The following KARS1 variants were observed in gnomAD, a reference collection of about 807,000 sequenced individuals.
KARS1 encodes the protein lysine--tRNA ligase.
A neutral mutation model predicts 63.9 loss-of-function variants in KARS1; 50 were observed. The observed-to-expected ratio is 0.78, with a 90% CI of 0.62 to 0.99. The LOEUF is 0.99. Among genes scored for constraint, KARS1 ranks in the 50% least tolerant of loss-of-function variants. The pLI, the probability that KARS1 is intolerant of heterozygous loss-of-function variation, is 0.00. For synonymous variants in KARS1, 320 were observed against 264.6 expected, an observed-to-expected ratio of 1.21 and a Z score of -2.03; for missense variants, 816 against 754.5, an observed-to-expected ratio of 1.08 and a Z score of -0.95.
chr16:75,630,575 C>G (rs1464710959), intron 10 of KARS1, 67 bp from the exon 11 acceptor site: 4 of 908,292 alleles, frequency 4.4e-6, no homozygotes, highest in Middle Eastern at 2.2e-4. Flanking sequence ...CCAGCCCAGA[C>G]AGAAGATCTC....
At chr16:75,645,599 C>A (rs1158801982) in intron 1 of KARS1, among the ~76,000 whole-genome samples, 1 of 152,106 alleles carries the variant, frequency 6.6e-6, no homozygotes, top group East Asian at 1.9e-4. Context: ...ATAATCCTAG[C>A]GCTTTGTGGG....
Position 75,635,903 on chromosome 16 carries a change from A to T in KARS1, c.669+9T>A. 6.2e-7 allele frequency: 1 copy of T among 1,614,150 alleles called. No homozygotes were observed. Among genetic ancestry groups the T allele is most frequent in the Non-Finnish European group, 8.5e-7 (1 of 1,179,986 alleles). On this transcript the variant is annotated intron_variant, in intron 5 of 13. Coordinates refer to ENST00000302445, the MANE Select transcript of KARS1 (RefSeq NM_005548.3). ...AGGAGGCCACAGCTAGGAGGCCAAG[A>T]ACGCTTACCTTGTCTTTGAGGCCAA...
chr16:75,637,210 A>G (rs948583953), intron 3 of KARS1, among the ~76,000 whole-genome samples: 3 of 152,104 alleles, frequency 2.0e-5, no homozygotes, highest in Non-Finnish European at 4.4e-5. Flanking sequence ...TCCATGGACA[A>G]AATTTACAAC....
At chr16:75,646,038 A>G (rs1308626820) in intron 1 of KARS1, among the ~76,000 whole-genome samples, 1 of 152,182 alleles carries the variant, frequency 6.6e-6, no homozygotes, top group Non-Finnish European at 1.5e-5. Flanking sequence ...TCACAGATAT[A>G]CCACATTCAA....
intron 7 of KARS1, 33 bp from the exon 8 acceptor site, chr16:75,631,888 C>A (rs2082119196): frequency 6.2e-7 from 1 of 1,611,902 alleles, no homozygotes; most frequent in Non-Finnish European, 8.5e-7. Context: ...GTCATGACAG[C>A]TAATCTTTTT....
Position 75,629,204 on chromosome 16 carries a change from A to G in KARS1, c.1551+211T>C, listed in dbSNP as rs75584151. Reference sequence around the variant, plus strand: ...TTTCAAGGCAAGCGTCACGCTTTCCATACGGAGATTAATAATGAAGTTCCT... The same window carrying G: ...TTTCAAGGCAAGCGTCACGCTTTCCGTACGGAGATTAATAATGAAGTTCCT... On this transcript the variant is annotated intron_variant, in intron 12 of 13. Transcript: ENST00000302445. Among the ~76,000 whole-genome samples, 1,980 of 152,332 alleles carry G rather than the reference A, an allele frequency of 0.013. 53 individuals carry two copies. The highest frequency in any genetic ancestry group is 0.044 in the African/African-American group (1,838 of 41,560).
chr16:75,637,962 TC>T (rs2082181529), intron 3 of KARS1, among the ~76,000 whole-genome samples: 1 of 143,566 alleles, frequency 7.0e-6, no homozygotes, highest in Admixed American at 6.9e-5. Context: ...CCAGGAAATC[TC>T]AAAAAACAAG....
At position 75,628,694 on chromosome 16, in the gene KARS1, C is replaced by A; in HGVS notation, c.1570G>T (p.Asp524Tyr). 1 of 1,614,222 alleles carries A rather than the reference C, an allele frequency of 6.2e-7. No individual in the cohort carries two copies. Among genetic ancestry groups the A allele is most frequent in the South Asian group, 1.1e-5 (1 of 91,080 alleles). Residue 524 changes from aspartate to tyrosine, a missense_variant, in exon 13 of 14, where the codon GAT (aspartate) becomes TAT (tyrosine). By Grantham distance (160) the Asp-to-Tyr change is radical. Transcript: ENST00000302445. ...EQAKAKAAGDDEAMFIDENFC... is the reference protein window; with the variant it reads ...EQAKAKAAGDYEAMFIDENFC... ...TTTTCATCTATGAACATGGCCTCAT[C>A]ATCACCTGCAGCCTTGGCCTAGAAG... is the stretch of plus-strand genomic sequence containing the variant.
rs368293521 is a variant in KARS1 at position 75,631,258 on chromosome 16, G to T, written c.1253-5C>A. 2 of 1,613,424 alleles carry T rather than the reference G, an allele frequency of 1.2e-6. No homozygotes were observed. The highest frequency in any genetic ancestry group is 1.7e-6 in the Non-Finnish European group (2 of 1,179,614). On this transcript the variant is annotated splice_region_variant and splice_polypyrimidine_tract_variant and intron_variant, in intron 9 of 13. Coordinates refer to ENST00000302445, the MANE Select transcript of KARS1 (RefSeq NM_005548.3). Reference sequence around the variant, plus strand: ...CATCAAGAATTTTGCGAGTTTCTGGGACACAAATGCAAAAGTTAGGGCAGG... The same window carrying T: ...CATCAAGAATTTTGCGAGTTTCTGGTACACAAATGCAAAAGTTAGGGCAGG...
intron 7 of KARS1, chr16:75,633,865 G>C: frequency 2.7e-6 from 1 of 365,356 alleles, no homozygotes; most frequent in Admixed American, 3.8e-5. Context: ...TCTTTCTTCT[G>C]TGAAAGACTT....
chr16:75,646,893 C>T (rs569239012), intron 1 of KARS1, among the ~76,000 whole-genome samples: 187 of 152,206 alleles, frequency 1.2e-3, no homozygotes, highest in African/African-American at 4.4e-3. Flanking sequence ...TTCTGTGGTT[C>T]AAATGGGGAA....
rs751215831 is a variant in KARS1 at position 75,635,265 on chromosome 16, A to C, written c.795+415T>G. The C allele has an allele frequency of 9.6e-6, 3 of 311,496 alleles. No individual in the cohort carries two copies. In the East Asian group the frequency reaches 2.5e-4, roughly 26 times the overall value. The allele number at this position is 311,496 out of a possible 1,614,324, so 19.3% of individuals were successfully genotyped here. ...CCCAGTAAATGGTGTGGAAGGATAC[A>C]TATCAAACTCAAGTTTGGGTAGGGA... On this transcript the variant is annotated intron_variant, in intron 6 of 13. Coordinates refer to ENST00000302445, the MANE Select transcript of KARS1 (RefSeq NM_005548.3).
At chr16:75,646,234 G>C (rs2082282002) in intron 1 of KARS1, among the ~76,000 whole-genome samples, 1 of 152,170 alleles carries the variant, frequency 6.6e-6, no homozygotes. Context: ...CACAAAGCCA[G>C]GGACACAAAA....
rs1009896437 is a variant in KARS1 at position 75,647,582 on chromosome 16, T to C, written c.58A>G (p.Lys20Glu). ...KVDGSEPKLS[K>E]NELKRRLKAE... ...AAGACTCGCAGCGACACTCACTTCT[T>C]GCTCAGTTTCGGCTCGCTGCCATCC... Residue 20 changes from lysine to glutamate, a missense_variant, in exon 1 of 14, where the codon AAG becomes GAG. Transcript: ENST00000302445. 6.2e-7 allele frequency: 1 copy of C among 1,613,662 alleles called. No individual in the cohort carries two copies. The highest frequency in any genetic ancestry group is 8.5e-7 in the Non-Finnish European group (1 of 1,179,774).
chr16:75,630,595 C>A (rs2082101089), intron 10 of KARS1, 87 bp from the exon 11 acceptor site: 2 of 780,556 alleles, frequency 2.6e-6, no homozygotes, highest in Non-Finnish European at 4.6e-6. Flanking sequence ...CAGCTCCCAT[C>A]CAGATGGGTT....
chr16:75,628,529 C>G (rs757287180), intron 13 of KARS1, 40 bp downstream of exon 13: 1 of 1,611,064 alleles, frequency 6.2e-7, no homozygotes, highest in Admixed American at 1.7e-5. Flanking sequence ...CACAATGCAG[C>G]TTCCTCAGGA....
At position 75,627,948 on chromosome 16, in the gene KARS1, TCTC is replaced by T; in HGVS notation, c.1738_1740del (p.Glu580del). 6.2e-7 allele frequency: 1 copy of T among 1,612,136 alleles called. No homozygotes were observed. Among genetic ancestry groups the T allele is most frequent in the East Asian group, 2.2e-5 (1 of 44,868 alleles). ...TCCAGTGTATCAGTGGTTGCTACAT[TCTC>T]CTTCTTGTCTTCGGGTTTCATGGCA... On this transcript the variant is annotated inframe_deletion, in exon 14 of 14. Transcript: ENST00000302445.
At chr16:75,636,335 C>G (rs2082161401) in intron 4 of KARS1, 119 bp downstream of exon 4, 1 of 835,290 alleles carries the variant, frequency 1.2e-6, no homozygotes. Context: ...CTCAGCCTTC[C>G]CCAACCATGT....
chr16:75,630,046 C>A (rs2082094516), intron 11 of KARS1, among the ~76,000 whole-genome samples: 2 of 152,148 alleles, frequency 1.3e-5, no homozygotes, highest in Admixed American at 1.3e-4. Context: ...TTCACCTGGA[C>A]TCTGCGCTGG....
Sources: allele counts gnomAD v4.1 joint callset (sites outside exome capture counted in the v4.1 genomes callset), GRCh38; gene constraint gnomAD v4.1.1; transcripts MANE v1.5; gene names NCBI Gene and HGNC (gene_info 2026-07-23, HGNC 2026-07-21).